ARVCF: variants seen among roughly 807,000 people sequenced by gnomAD.
ARVCF encodes the protein splicing regulator ARVCF.
A neutral mutation model predicts 90.9 loss-of-function variants in ARVCF; 66 were observed. That is an observed-to-expected ratio of 0.73 (90% CI 0.60 to 0.89). The LOEUF (loss-of-function observed/expected upper bound fraction) is 0.89. Ranked by LOEUF, ARVCF falls within the 40% of genes least tolerant of loss-of-function variation. The probability of loss-of-function intolerance (pLI) is 0.00; values close to 1 mark genes in which losing one functional copy is unlikely to be tolerated. For missense variants in ARVCF, 1,469 were observed against 1,382.3 expected, an observed-to-expected ratio of 1.06 and a Z score of -1.00; for synonymous variants, 653 against 603.4, an observed-to-expected ratio of 1.08 and a Z score of -1.21.
At chr22:19,999,645 C>G (rs887751645) in intron 2 of ARVCF, among the ~76,000 whole-genome samples, 2 of 152,158 alleles carry the variant, frequency 1.3e-5, no homozygotes, top group African/African-American at 4.8e-5. Flanking sequence ...CAGAATGGAT[C>G]AGAGGATGGT....
intron 11 of ARVCF, 119 bp from the exon 12 acceptor site, chr22:19,974,358 GT>G: frequency 1.6e-6 from 2 of 1,258,958 alleles, no homozygotes; most frequent in Non-Finnish European, 2.1e-6. Context: ...AGGGATGGGT[GT>G]GGATGAGTCA....
In ARVCF at chr22:19,972,989, ACT is replaced by A. The variant is rs773118785; in HGVS notation, c.2484_2485del (p.Trp830GlufsTer30). The A allele has an allele frequency of 2.5e-6, 4 of 1,613,370 alleles. No homozygotes were observed. The highest frequency in any genetic ancestry group is 1.7e-5 in the Admixed American group (1 of 60,012). On this transcript the variant is annotated frameshift_variant, in exon 15 of 20. Transcript: ENST00000263207. LOFTEE classifies it high-confidence loss of function. The stretch of plus-strand genomic sequence containing the variant: ...ACCACGCAGCTCCTTGTAGCTCCAC[ACT>A]GTCTGCAGCACGTGTGACGCCGCCT...
At chr22:19,978,211 A>C (rs577270276) in intron 7 of ARVCF, 136 bp from the exon 8 acceptor site, 3 of 725,624 alleles carry the variant, frequency 4.1e-6, no homozygotes, top group South Asian at 2.0e-5. Context: ...AAAGGACCCC[A>C]CAGTCTGGAG....
rs556573615 is a variant in ARVCF at position 20,006,349 on chromosome 22, G to A, written c.-19+4106C>T. On this transcript the variant is annotated intron_variant, in intron 2 of 19. Coordinates refer to ENST00000263207, the MANE Select transcript of ARVCF (RefSeq NM_001670.3). ...TCTCAGCACTTTGGGAGGCCAAGGC[G>A]GGCGGATCACGAGGTCAGGAGATCG... is the stretch of plus-strand genomic sequence containing the variant. Among the ~76,000 whole-genome samples the A allele has an allele frequency of 1.8e-4, 27 of 151,594 alleles. 1 individual carries two copies. The South Asian group carries it at 4.4e-3, about 25-fold the overall frequency.
chr22:19,987,044 G>C (rs998984654), intron 3 of ARVCF: 5 of 655,652 alleles, frequency 7.6e-6, no homozygotes, highest in Non-Finnish European at 1.4e-5. Flanking sequence ...CCCCGGGCCA[G>C]GGTCCCCCCA....
intron 2 of ARVCF, among the ~76,000 whole-genome samples, chr22:20,000,160 G>C (rs1001401322): frequency 6.6e-6 from 1 of 152,158 alleles, no homozygotes; most frequent in African/African-American, 2.4e-5. Context: ...ATGAAGTAGA[G>C]CCCACCCTGT....
intron 7 of ARVCF, among the ~76,000 whole-genome samples, chr22:19,978,621 T>C (rs570720916): frequency 6.6e-6 from 1 of 151,968 alleles, no homozygotes; most frequent in Admixed American, 6.5e-5. Context: ...CAGCTCCCCC[T>C]CTGGCTGTCA....
At chr22:19,980,798 G>T in intron 5 of ARVCF, 1 of 205,436 alleles carries the variant, frequency 4.9e-6, no homozygotes, top group African/African-American at 2.3e-5. Context: ...CCTGAGGCTA[G>T]GAGTGACGGT....
intron 2 of ARVCF, among the ~76,000 whole-genome samples, chr22:19,993,981 G>A (rs1025390334): frequency 1.4e-4 from 21 of 152,230 alleles, no homozygotes; most frequent in African/African-American, 5.1e-4. Flanking sequence ...TGGGCAAGCA[G>A]GTGGCCCGAG....
At position 19,977,571 on chromosome 22, in the gene ARVCF, C is replaced by T. The variant is rs769768355; in HGVS notation, c.1714G>A (p.Val572Met). The T allele has an allele frequency of 2.1e-5, 32 of 1,545,128 alleles. No individual in the cohort carries two copies. The highest frequency in any genetic ancestry group is 4.0e-4 in the Middle Eastern group (2 of 4,978). Residue 572 changes from valine (V) to methionine (M), a missense_variant, in exon 9 of 20, where the codon GTG (valine) becomes ATG (methionine). Val to Met is a conservative substitution (Grantham distance 21). Coordinates refer to ENST00000263207, the MANE Select transcript of ARVCF (RefSeq NM_001670.3). ...TAGGACAGGTTCCGCATGATGCACA[C>T]GCAGTTCTCCACCGACTGCAGGGAG... ...DTDNKSVENC[V>M]CIMRNLSYHV...
rs1943485277 is a variant in ARVCF at position 19,981,346 on chromosome 22, A to C, written c.761T>G (p.Phe254Cys). The C allele has an allele frequency of 1.9e-6, 3 of 1,606,444 alleles. No individual in the cohort carries two copies. Among genetic ancestry groups the C allele is most frequent in the Non-Finnish European group, 2.5e-6 (3 of 1,177,400 alleles). ...CTCCAAGCCATACGGCTCTGCCTGG[A>C]AGCGCTCGGGCAGGGAGCGGCCACC... ...PPGGRSLPER[F>C]QAEPYGLEDD... Residue 254 changes from phenylalanine to cysteine, a missense_variant, in exon 5 of 20, where the codon TTC (phenylalanine) becomes TGC (cysteine). Coordinates refer to ENST00000263207, the MANE Select transcript of ARVCF (RefSeq NM_001670.3).
chr22:19,990,977 A>C (rs1363158841), intron 2 of ARVCF, among the ~76,000 whole-genome samples, 165 bp from the exon 3 acceptor site: 1 of 152,234 alleles, frequency 6.6e-6, no homozygotes, highest in South Asian at 2.1e-4. Flanking sequence ...AAAAGCCATT[A>C]ATCCGAGGCT....
chr22:19,969,454 T>C (rs1942618207), downstream of ARVCF: 1 of 152,368 alleles, frequency 6.6e-6, no homozygotes, highest in Non-Finnish European at 1.5e-5. Flanking sequence ...CGCATCCCTG[T>C]AGTTGCCTCC....
chr22:19,977,958 C>T lies in ARVCF; in HGVS notation c.1698G>A (p.Lys566=), dbSNP rs2042685592. The change falls in exon 8 of 20, where the codon AAG becomes AAA. Residue 566 remains lysine (K), a splice_region_variant and synonymous_variant. Transcript: ENST00000263207. Reference sequence around the variant, plus strand: ...TGAGGCTGTGACCGTCCCTGCCCACCTTGTTGTCAGTGTCCTTCCGGCCCA... The same window carrying T: ...TGAGGCTGTGACCGTCCCTGCCCACTTTGTTGTCAGTGTCCTTCCGGCCCA... The part of the protein sequence containing the change: ...SAVGRKDTDN[K]SVENCVCIMR... The T allele has an allele frequency of 1.2e-6, 2 of 1,604,286 alleles. No individual in the cohort carries two copies. Among genetic ancestry groups the T allele is most frequent in the Admixed American group, 3.4e-5 (2 of 58,952 alleles).
intron 3 of ARVCF, among the ~76,000 whole-genome samples, chr22:19,987,349 C>A (rs1943849442): frequency 7.5e-6 from 1 of 133,110 alleles, no homozygotes; most frequent in Admixed American, 7.6e-5. Flanking sequence ...GGGGCGGGGC[C>A]CTGCAGCCCC....
chr22:19,969,548 C>G (rs1942624224), downstream of ARVCF: 1 of 152,380 alleles, frequency 6.6e-6, no homozygotes, highest in African/African-American at 2.4e-5. Flanking sequence ...GGTCAGACTG[C>G]TAGCCACCTC....
chr22:19,970,112 C>G lies in ARVCF; in HGVS notation c.*644G>C, dbSNP rs1027482567. 1 of 985,584 alleles carries G rather than the reference C, an allele frequency of 1.0e-6. No homozygotes were observed. The highest frequency in any genetic ancestry group is 1.2e-6 in the Non-Finnish European group (1 of 830,044). 61.1% of individuals were successfully genotyped at this position (985,584 alleles called of 1,614,324 possible). A position where few individuals can be genotyped will look rare whatever the true frequency, so the allele number is the denominator to read the frequency against. ...GCAGATGCGGCAGCCCCGGCCCCAG[C>G]CAGCATGGGCTGGAGAAAGGCTCTC... On this transcript the variant is annotated 3_prime_UTR_variant, in exon 20 of 20. Transcript: ENST00000263207.
Position 19,974,255 on chromosome 22 carries a change from C to T in ARVCF, c.1961-16G>A, listed in dbSNP as rs1264836176. ...AGCTCAAAGCCTAGGTGCAGGGCAA[C>T]CGCCACCCACGGTCACCCAGAATCT... On this transcript the variant is annotated splice_polypyrimidine_tract_variant and intron_variant, in intron 11 of 19. Transcript: ENST00000263207. 6.3e-7 allele frequency: 1 copy of T among 1,589,086 alleles called. No homozygotes were observed. The highest frequency in any genetic ancestry group is 8.6e-7 in the Non-Finnish European group (1 of 1,164,246).
Position 19,977,600 on chromosome 22 carries a change from T to C in ARVCF, c.1699-14A>G. On this transcript the variant is annotated splice_polypyrimidine_tract_variant and intron_variant, in intron 8 of 19. Coordinates refer to ENST00000263207, the MANE Select transcript of ARVCF (RefSeq NM_001670.3). Reference sequence around the variant, plus strand: ...GTTCTCCACCGACTGCAGGGAGAGGTGAGTGGGTGGGGCAGGGCACCCTAG... The same window carrying C: ...GTTCTCCACCGACTGCAGGGAGAGGCGAGTGGGTGGGGCAGGGCACCCTAG... 6.7e-7 allele frequency: 1 copy of C among 1,497,416 alleles called. No individual in the cohort carries two copies. The highest frequency in any genetic ancestry group is 8.9e-7 in the Non-Finnish European group (1 of 1,121,122). 92.8% of individuals were successfully genotyped at this position (1,497,416 alleles called of 1,614,324 possible).
Sources: allele counts gnomAD v4.1 joint callset (sites outside exome capture counted in the v4.1 genomes callset), GRCh38; gene constraint gnomAD v4.1.1; transcripts MANE v1.5; gene names NCBI Gene and HGNC (gene_info 2026-07-23, HGNC 2026-07-21).